PAPLN: variants seen among roughly 807,000 people sequenced by gnomAD.
PAPLN encodes the protein papilin, proteoglycan like sulfated glycoprotein.
In PAPLN, 146 loss-of-function variants were observed where a neutral mutation model predicts 159.0. That is an observed-to-expected ratio of 0.92 (90% CI 0.80 to 1.05). The LOEUF is 1.05. Ranked by LOEUF, PAPLN falls within the 50% of genes least tolerant of loss-of-function variation. The probability of loss-of-function intolerance (pLI) is 0.00; values close to 1 mark genes in which losing one functional copy is unlikely to be tolerated. For missense variants in PAPLN, 1,720 were observed against 1,743.9 expected, an observed-to-expected ratio of 0.99 and a Z score of 0.24; for synonymous variants, 734 against 702.9, an observed-to-expected ratio of 1.04 and a Z score of -0.70.
At chr14:73,248,804 A>T (rs568441121) in intron 5 of PAPLN, among the ~76,000 whole-genome samples, 2 of 152,188 alleles carry the variant, frequency 1.3e-5, no homozygotes, top group South Asian at 4.2e-4. Context: ...CCCGGACGAC[A>T]GAGTGAGATC....
chr14:73,262,087 G>A, intron 18 of PAPLN: 1 of 427,438 alleles, frequency 2.3e-6, no homozygotes, highest in Non-Finnish European at 4.1e-6. Context: ...GCCGGCCCAG[G>A]GAGCCCTGGC....
intron 16 of PAPLN, 124 bp from the exon 17 acceptor site, chr14:73,260,585 T>A (rs955405026): frequency 2.4e-6 from 3 of 1,247,510 alleles, no homozygotes; most frequent in Non-Finnish European, 3.1e-6. Context: ...CGGGGACACG[T>A]CCTCTCCCCC....
chr14:73,261,156 G>A lies in PAPLN; in HGVS notation c.2107G>A (p.Val703Ile), dbSNP rs777786442. Residue 703 changes from valine to isoleucine, a missense_variant and splice_region_variant, in exon 18 of 27, where the codon GTC becomes ATC. Transcript: ENST00000644200. ...TCCCAATCATGGGTTTCCTCCCCAG[G>A]TCCACAACACCCACCAGCCCCAGGC... ...MPRSRAVAST[V>I]HNTHQPQAQQ... 4 of 1,614,094 alleles carry A rather than the reference G, an allele frequency of 2.5e-6. No individual in the cohort carries two copies. Among genetic ancestry groups the A allele is most frequent in the Middle Eastern group, 1.7e-4 (1 of 6,060 alleles).
intron 1 of PAPLN, among the ~76,000 whole-genome samples, chr14:73,238,606 C>T (rs1043913069): frequency 3.3e-5 from 5 of 152,258 alleles, no homozygotes; most frequent in African/African-American, 9.6e-5. Context: ...CTGGCCCTAG[C>T]AGGGGGCTCC....
intron 1 of PAPLN, 180 bp from the exon 2 acceptor site, chr14:73,239,593 G>A: frequency 8.0e-7 from 1 of 1,246,196 alleles, no homozygotes; most frequent in East Asian, 3.1e-5. Context: ...ATGTTGAGCC[G>A]CCCGGCGGGG....
intron 5 of PAPLN, chr14:73,249,722 T>G: frequency 1.1e-5 from 2 of 187,172 alleles, no homozygotes; most frequent in East Asian, 1.3e-4. Flanking sequence ...ACCTCAGCTG[T>G]GGTAAATAAT....
At position 73,250,895 on chromosome 14, in the gene PAPLN, C is replaced by A. The variant is rs745445365; in HGVS notation, c.466-12C>A. 13 of 1,607,100 alleles carry A rather than the reference C, an allele frequency of 8.1e-6. No individual in the cohort carries two copies. The South Asian group carries it at 1.3e-4, about 16-fold the overall frequency. On this transcript the variant is annotated splice_polypyrimidine_tract_variant and intron_variant, in intron 6 of 26. Transcript: ENST00000644200. The stretch of plus-strand genomic sequence containing the variant: ...ATGCCGTCTCCCCTGCCTCCCGCAT[C>A]TCTGCCCACAGGTTGTCGGCTGTGA...
chr14:73,251,659 C>T lies in PAPLN; in HGVS notation c.671-5C>T, dbSNP rs370288744. 62 of 1,613,390 alleles carry T rather than the reference C, an allele frequency of 3.8e-5. No individual in the cohort carries two copies. The highest frequency in any genetic ancestry group is 3.5e-4 in the South Asian group (32 of 91,092). On this transcript the variant is annotated splice_region_variant and splice_polypyrimidine_tract_variant and intron_variant, in intron 8 of 26. Coordinates refer to ENST00000644200, the MANE Select transcript of PAPLN (RefSeq NM_001365906.3). Reference sequence around the variant, plus strand: ...TGGCTGACTGAGGCGGTCTCCTCTGCGCAGCTGTGAAGAATGTTCGTGGGG... The same window carrying T: ...TGGCTGACTGAGGCGGTCTCCTCTGTGCAGCTGTGAAGAATGTTCGTGGGG...
At chr14:73,249,484 C>G (rs1366729773) in intron 5 of PAPLN, among the ~76,000 whole-genome samples, 2 of 151,884 alleles carry the variant, frequency 1.3e-5, no homozygotes, top group Non-Finnish European at 2.9e-5. Context: ...GACCAGCCTG[C>G]CCAACATGGT....
chr14:73,254,427 A>T, intron 12 of PAPLN, 86 bp from the exon 13 acceptor site: 1 of 1,534,114 alleles, frequency 6.5e-7, no homozygotes, highest in South Asian at 1.2e-5. Flanking sequence ...CTGCCTCCAC[A>T]CCAGGCTGGT....
chr14:73,268,918 C>T (rs916640883), intron 26 of PAPLN, among the ~76,000 whole-genome samples, 195 bp downstream of exon 26: 2 of 152,186 alleles, frequency 1.3e-5, no homozygotes, highest in African/African-American at 4.8e-5. Context: ...GGGGCTGCTC[C>T]ACCACCTGAG....
chr14:73,246,278 A>G, intron 5 of PAPLN, 103 bp downstream of exon 5: 2 of 955,440 alleles, frequency 2.1e-6, no homozygotes, highest in Non-Finnish European at 2.9e-6. Flanking sequence ...ATATATATAT[A>G]TTAGAGACAG....
At chr14:73,246,862 G>A (rs1336720788) in intron 5 of PAPLN, 1 of 152,014 alleles carries the variant, frequency 6.6e-6, no homozygotes, top group Non-Finnish European at 1.5e-5. Context: ...TTTAGTATAT[G>A]TGCTGCCAGA....
Position 73,251,726 on chromosome 14 carries a change from G to C in PAPLN, c.733G>C (p.Ala245Pro). The C allele has an allele frequency of 6.2e-7, 1 of 1,613,212 alleles. No individual in the cohort carries two copies. Among genetic ancestry groups the C allele is most frequent in the East Asian group, 2.2e-5 (1 of 44,882 alleles). Residue 245 changes from alanine (A) to proline (P), a missense_variant, in exon 9 of 27, where the codon GCC becomes CCC. Coordinates refer to ENST00000644200, the MANE Select transcript of PAPLN (RefSeq NM_001365906.3). ...GCACTGGACCATCGAGGCGGCCCGG[G>C]CCCTGCCAGCAGCCAGCACCATCCT... ...NGHWTIEAAR[A>P]LPAASTILHY... is the part of the protein sequence containing the mutation.
At chr14:73,266,971 C>A (rs926213025) in intron 25 of PAPLN, 140 bp downstream of exon 25, 6 of 774,562 alleles carry the variant, frequency 7.7e-6, no homozygotes, top group Non-Finnish European at 1.3e-5. Context: ...GAGAGGGCTG[C>A]AGCACCCTCA....
At chr14:73,247,796 C>CTGTG (rs769079646) in intron 5 of PAPLN, among the ~76,000 whole-genome samples, 1,275 of 60,602 alleles carry the variant, frequency 0.021, 322 homozygotes, top group East Asian at 0.031. Context: ...GTCTCTTATC[C>CTGTG]CGTGTGTGTG....
At chr14:73,254,048 G>A (rs985143208) in intron 12 of PAPLN, 87 bp downstream of exon 12, 9 of 1,374,478 alleles carry the variant, frequency 6.5e-6, no homozygotes, top group East Asian at 5.0e-5. Context: ...TGTGGAAACC[G>A]AGGTCCTGGG....
chr14:73,244,493 A>T, intron 2 of PAPLN, 151 bp from the exon 3 acceptor site: 3 of 622,616 alleles, frequency 4.8e-6, no homozygotes, highest in Non-Finnish European at 5.7e-6. Context: ...GGTGCCCGGC[A>T]GTGTTGCTGA....
Position 73,261,271 on chromosome 14 carries a change from GCTGTGT to G in PAPLN, c.2223_2228del (p.Cys742_Val743del), listed in dbSNP as rs1566698995. On this transcript the variant is annotated inframe_deletion, in exon 18 of 27. Transcript: ENST00000644200. ...ACTGCAGCCGGTCCTCTTGGGGAAG[GCTGTGT>G]GGGCCAGCCCAGCCATGGTGAGTGG... 6.2e-7 allele frequency: 1 copy of G among 1,613,788 alleles called. No individual in the cohort carries two copies. Among genetic ancestry groups the G allele is most frequent in the East Asian group, 2.2e-5 (1 of 44,884 alleles).
Sources: gnomAD v4.1 joint callset for allele counts (sites outside exome capture counted in the v4.1 genomes callset) on GRCh38, gnomAD v4.1.1 for gene constraint, MANE v1.5 for transcripts, NCBI Gene and HGNC (gene_info 2026-07-23, HGNC 2026-07-21) for gene names.